PPL: variants seen among roughly 807,000 people sequenced by gnomAD.
The protein encoded by PPL is periplakin.
In PPL, 198 loss-of-function variants were observed where a neutral mutation model predicts 194.4. The ratio of observed to expected loss-of-function variants is 1.02; its 90% CI spans 0.91 to 1.15. PPL has a LOEUF of 1.15. Ranked by LOEUF, PPL falls within the 50% of genes most tolerant of loss-of-function variation. The pLI is 0.00. For missense variants in PPL, 2,885 were observed against 2,294.8 expected (o/e 1.26, Z -5.25); for synonymous variants, 1,220 against 972.4 (o/e 1.25, Z -4.74).
Position 4,885,188 on chromosome 16 carries a change from C to A in PPL, c.3467G>T (p.Arg1156Leu). ...ASQREKTELLRKIWALEEENA... is the reference protein window; with the variant it reads ...ASQREKTELLLKIWALEEENA... The stretch of plus-strand genomic sequence containing the variant: ...CTCCTCCTCCAAGGCCCATATCTTT[C>A]GGAGCAGCTCCGTCTTCTCCCTCTG... Residue 1156 changes from arginine to leucine, a missense_variant, in exon 22 of 22, where the codon CGA becomes CTA. Transcript: ENST00000345988. The surrounding 1 kb of genome is among the most constrained non-coding windows in gnomAD (Gnocchi z 6.3). The A allele has an allele frequency of 6.2e-7, 1 of 1,614,116 alleles. No individual in the cohort carries two copies. Among genetic ancestry groups the A allele is most frequent in the Non-Finnish European group, 8.5e-7 (1 of 1,180,040 alleles).
At chr16:4,917,697 T>C (rs1459811548) in intron 1 of PPL, among the ~76,000 whole-genome samples, 1 of 151,740 alleles carries the variant, frequency 6.6e-6, no homozygotes. Context: ...GACCAGGAGT[T>C]TGAGAGCAGC....
At chr16:4,905,866 G>A (rs11076857) in intron 2 of PPL, among the ~76,000 whole-genome samples, 87,614 of 152,024 alleles carry the variant, frequency 0.58, 25,585 homozygotes, top group East Asian at 0.63. Context: ...ACACTTTGGG[G>A]GGCTGTGGCA....
intron 1 of PPL, among the ~76,000 whole-genome samples, chr16:4,934,935 C>T (rs1450600361): frequency 2.0e-5 from 3 of 152,162 alleles, no homozygotes; most frequent in Non-Finnish European, 2.9e-5. Context: ...CTGACATCTG[C>T]TCAGGGCTGT....
At chr16:4,893,937 A>G in intron 12 of PPL, 1 of 437,248 alleles carries the variant, frequency 2.3e-6, no homozygotes, top group South Asian at 4.3e-5. Context: ...TAAATACTTA[A>G]TAAATGAAGG....
intron 18 of PPL, among the ~76,000 whole-genome samples, chr16:4,889,377 C>A (rs2088279970): frequency 6.6e-6 from 1 of 150,646 alleles, no homozygotes; most frequent in African/African-American, 2.4e-5. Flanking sequence ...GCCTCAGCCT[C>A]CCAAGTAGCT....
chr16:4,915,530 T>C (rs2088900743), intron 1 of PPL, among the ~76,000 whole-genome samples: 1 of 152,150 alleles, frequency 6.6e-6, no homozygotes, highest in Admixed American at 6.5e-5. Context: ...AAGAAGGGGA[T>C]GAAGAAACCA....
chr16:4,899,195 C>T, intron 7 of PPL, 28 bp downstream of exon 7: 1 of 1,613,488 alleles, frequency 6.2e-7, no homozygotes. Flanking sequence ...CTGCCTCCTC[C>T]CTGATGCCCC....
At chr16:4,899,493 C>CAGCTATGGGTGGCCTGAGGACAAGCCT (rs2088508195) in intron 6 of PPL, 109 bp from the exon 7 acceptor site, 1 of 1,447,632 alleles carries the variant, frequency 6.9e-7, no homozygotes, top group African/African-American at 1.4e-5. Flanking sequence ...AGGACAAGCC[C>CAGCTATGGGTGGCCTGAGGACAAGCCT]AGCTATGGGT....
Position 4,888,087 on chromosome 16 carries a change from G to A in PPL, c.2514+15C>T. On this transcript the variant is annotated intron_variant, in intron 20 of 21. Coordinates refer to ENST00000345988, the MANE Select transcript of PPL (RefSeq NM_002705.5). ...TCCACCTCAGTCCCGAGGCCGCCTG[G>A]CCCATGGAACTCACCTCTTCCTTCA... The A allele has an allele frequency of 1.9e-6, 3 of 1,595,380 alleles. No homozygotes were observed. The highest frequency in any genetic ancestry group is 1.7e-6 in the Non-Finnish European group (2 of 1,163,148).
At chr16:4,926,354 G>A (rs1197089875) in intron 1 of PPL, among the ~76,000 whole-genome samples, 1 of 152,092 alleles carries the variant, frequency 6.6e-6, no homozygotes, top group Non-Finnish European at 1.5e-5. Context: ...CCCCTTACAG[G>A]CCCTGGCAAC....
intron 1 of PPL, among the ~76,000 whole-genome samples, chr16:4,923,501 G>A (rs978571944): frequency 2.0e-5 from 3 of 152,202 alleles, no homozygotes; most frequent in Admixed American, 1.3e-4. Context: ...CGACCTGGAA[G>A]GGGGCTCCCT....
In PPL at chr16:4,885,128, T is replaced by TC; in HGVS notation, c.3526dup (p.Glu1176GlyfsTer12). 6.2e-7 allele frequency: 1 copy of TC among 1,613,976 alleles called. No homozygotes were observed. Among genetic ancestry groups the TC allele is most frequent in the Non-Finnish European group, 8.5e-7 (1 of 1,180,002 alleles). On this transcript the variant is annotated frameshift_variant, in exon 22 of 22. Coordinates refer to ENST00000345988, the MANE Select transcript of PPL (RefSeq NM_002705.5). LOFTEE classifies it high-confidence loss of function. The surrounding 1 kb of genome is among the most constrained non-coding windows in gnomAD (Gnocchi z 6.3). ...CGCCTTGGGGTCTGGCCGCACGATC[T>TC]CCCGCACCTTCTCCTGCACCACCAC...
chr16:4,904,504 C>T (rs1450324967), intron 2 of PPL, among the ~76,000 whole-genome samples: 1 of 152,130 alleles, frequency 6.6e-6, no homozygotes, highest in Non-Finnish European at 1.5e-5. Flanking sequence ...GGACCTACTT[C>T]AGCTCTGGTG....
chr16:4,912,222 C>G (rs1596570738), intron 1 of PPL, among the ~76,000 whole-genome samples: 1 of 152,242 alleles, frequency 6.6e-6, no homozygotes, highest in East Asian at 1.9e-4. Flanking sequence ...CCCACCCGCT[C>G]CAGCCCCTGG....
intron 1 of PPL, among the ~76,000 whole-genome samples, chr16:4,933,661 G>T (rs917221323): frequency 1.3e-5 from 2 of 152,110 alleles, no homozygotes; most frequent in African/African-American, 4.8e-5. Flanking sequence ...GCTCCTGCCT[G>T]GCCCCATCAG....
At chr16:4,928,451 G>T (rs568631666) in intron 1 of PPL, among the ~76,000 whole-genome samples, 3 of 152,340 alleles carry the variant, frequency 2.0e-5, no homozygotes, top group African/African-American at 7.2e-5. Context: ...TAGGCAGAGG[G>T]TTTTTGTCAT....
In PPL at chr16:4,883,455, G is replaced by C; in HGVS notation, c.5200C>G (p.Gln1734Glu). Residue 1734 changes from glutamine to glutamate, a missense_variant, in exon 22 of 22, where the codon CAG (glutamine) becomes GAG (glutamate). By Grantham distance (29) the Gln-to-Glu change is conservative. Coordinates refer to ENST00000345988, the MANE Select transcript of PPL (RefSeq NM_002705.5). The surrounding 1 kb of genome is among the most constrained non-coding windows in gnomAD (Gnocchi z 4.8). ...TCCTTGTTGACATAGCGGTCATACT[G>C]AGCAGGGGTCAGCCTGCCACTCTGC... The part of the protein sequence containing the change: ...ALQSGRLTPA[Q>E]YDRYVNKDMS... The C allele has an allele frequency of 6.2e-7, 1 of 1,614,144 alleles. No homozygotes were observed. Among genetic ancestry groups the C allele is most frequent in the African/African-American group, 1.3e-5 (1 of 75,052 alleles).
rs147027769 is a variant in PPL at position 4,894,499 on chromosome 16, G to A, written c.1362C>T (p.Pro454=). ...IAPAVCFVIP[P]TDPEALALAD... is the part of the protein sequence containing the mutation. ...CCAGAGCCAGGGCCTCAGGGTCTGT[G>A]GGGGGGATCACAAAACACACGGCCG... is the stretch of plus-strand genomic sequence containing the variant. Residue 454 remains proline (P), a synonymous_variant, in exon 12 of 22, where the codon CCC becomes CCT. Transcript: ENST00000345988. 4 of 1,613,630 alleles carry A rather than the reference G, an allele frequency of 2.5e-6. No individual in the cohort carries two copies. Among genetic ancestry groups the A allele is most frequent in the Admixed American group, 3.3e-5 (2 of 59,994 alleles).
chr16:4,926,878 CAAA>C (rs71402575), intron 1 of PPL, among the ~76,000 whole-genome samples: 3 of 81,752 alleles, frequency 3.7e-5, no homozygotes, highest in Non-Finnish European at 7.2e-5. Flanking sequence ...GACTCTGTCT[CAAA>C]AAAAAAAAAA....
Sources: gnomAD v4.1 joint callset for allele counts (sites outside exome capture counted in the v4.1 genomes callset) on GRCh38, gnomAD v4.1.1 for gene constraint, Gnocchi (gnomAD v3.1) non-coding constraint, MANE v1.5 for transcripts, NCBI Gene and HGNC (gene_info 2026-07-23, HGNC 2026-07-21) for gene names.